Variants in ENAH observed in about 807,000 individuals in gnomAD.
ENAH encodes protein enabled homolog.
ENAH carries 23 observed loss-of-function variants against 78.7 expected under a neutral mutation model. The ratio of observed to expected loss-of-function variants is 0.29; its 90% CI spans 0.21 to 0.41. The LOEUF (loss-of-function observed/expected upper bound fraction) is 0.41. Ranked by LOEUF, ENAH falls within the 10% of genes least tolerant of loss-of-function variation. The pLI, the probability that ENAH is intolerant of heterozygous loss-of-function variation, is 1.00. For synonymous variants in ENAH, 226 were observed against 241.0 expected (o/e 0.94, Z 0.58); for missense variants, 544 against 691.0 (o/e 0.79, Z 2.39).
chr1:225,570,231 A>C lies in ENAH; in HGVS notation c.6-2817T>G, dbSNP rs942514466. On this transcript the variant is annotated intron_variant, in intron 1 of 13. Transcript: ENST00000366843. ...AAGCCCCCATCAAGGCCCAGCCAGG[A>C]AAGGATGGCACTGCCTGCTAGGGTT... Among the ~76,000 whole-genome samples, 7 of 151,866 alleles carry C rather than the reference A, an allele frequency of 4.6e-5. No homozygotes were observed. In the East Asian group the frequency reaches 1.4e-3, roughly 29 times the overall value.
At position 225,493,009 on chromosome 1, in the gene ENAH, T is replaced by C. The variant is rs2096230191; in HGVS notation, c.*4766A>G. ...TTAGTATTCCACAAATAATTTATCCTAGAACTCCATTTATTTATGTTGATG... is the reference window on the plus strand; with the variant it reads ...TTAGTATTCCACAAATAATTTATCCCAGAACTCCATTTATTTATGTTGATG... On this transcript the variant is annotated 3_prime_UTR_variant, in exon 14 of 14. Transcript: ENST00000366843. 6.6e-6 allele frequency: 1 copy of C among 152,230 alleles called. No homozygotes were observed. Among genetic ancestry groups the C allele is most frequent in the Admixed American group, 6.5e-5 (1 of 15,282 alleles). 9.4% of individuals were successfully genotyped at this position (152,230 alleles called of 1,614,324 possible).
intron 1 of ENAH, among the ~76,000 whole-genome samples, chr1:225,621,386 G>A (rs917806400): frequency 2.0e-5 from 3 of 150,102 alleles, no homozygotes; most frequent in Admixed American, 6.6e-5. Context: ...TCCGCCTCCC[G>A]GGTTCACGCC....
chr1:225,576,437 C>G (rs1307148030), intron 1 of ENAH, among the ~76,000 whole-genome samples: 2 of 152,054 alleles, frequency 1.3e-5, no homozygotes, highest in African/African-American at 4.8e-5. Context: ...TTTGAAAAGT[C>G]TTTATCAAGG....
chr1:225,612,581 A>G (rs1161747949), intron 1 of ENAH, among the ~76,000 whole-genome samples: 2 of 152,194 alleles, frequency 1.3e-5, no homozygotes, highest in Non-Finnish European at 2.9e-5. Flanking sequence ...ACCATGGTAA[A>G]TTTTATGTTA....
chr1:225,542,847 C>T (rs2096596211), intron 3 of ENAH, among the ~76,000 whole-genome samples: 3 of 151,918 alleles, frequency 2.0e-5, no homozygotes, highest in African/African-American at 4.8e-5. Flanking sequence ...AGCAAGGCCT[C>T]ATCTCTACAA....
intron 2 of ENAH, among the ~76,000 whole-genome samples, chr1:225,558,721 C>T (rs528569670): frequency 1.3e-5 from 2 of 150,530 alleles, no homozygotes; most frequent in East Asian, 3.9e-4. Flanking sequence ...GCAAACTCCG[C>T]CTCCCAGGTT....
chr1:225,534,599 A>G (rs1178913375), intron 3 of ENAH, among the ~76,000 whole-genome samples: 2 of 152,086 alleles, frequency 1.3e-5, no homozygotes, highest in African/African-American at 4.8e-5. Context: ...CTTTATGTAA[A>G]ATTGGAGCAA....
At chr1:225,555,870 G>C (rs1421200966) in intron 2 of ENAH, among the ~76,000 whole-genome samples, 1 of 152,120 alleles carries the variant, frequency 6.6e-6, no homozygotes, top group Non-Finnish European at 1.5e-5. Flanking sequence ...TCTGAGGAGG[G>C]TCTTGAGTAT....
intron 1 of ENAH, among the ~76,000 whole-genome samples, chr1:225,650,733 C>G (rs1662807024): frequency 6.6e-6 from 1 of 151,454 alleles, no homozygotes; most frequent in Non-Finnish European, 1.5e-5. Flanking sequence ...GCCTGTAATC[C>G]CAGCTACTTG....
rs2151013701 is a variant in ENAH at position 225,496,012 on chromosome 1, CT to C, written c.*1762del. The C allele has an allele frequency of 6.6e-6, 1 of 152,658 alleles. No individual in the cohort carries two copies. Among genetic ancestry groups the C allele is most frequent in the South Asian group, 2.1e-4 (1 of 4,820 alleles). The allele number at this position is 152,658 out of a possible 1,614,324, so 9.5% of individuals were successfully genotyped here. On this transcript the variant is annotated 3_prime_UTR_variant, in exon 14 of 14. Transcript: ENST00000366843. The stretch of plus-strand genomic sequence containing the variant: ...TTTAGAAAACTACACTATCAACAAG[CT>C]TTGCTTTATGGACTGAGATGTACAA...
At chr1:225,531,749 T>C (rs566045744) in intron 3 of ENAH, among the ~76,000 whole-genome samples, 3 of 152,260 alleles carry the variant, frequency 2.0e-5, no homozygotes, top group Admixed American at 1.3e-4. Flanking sequence ...AAGTATTTTA[T>C]ACTAGTGGAG....
In ENAH at chr1:225,534,672, T is replaced by C. The variant is rs961057544; in HGVS notation, c.350-4034A>G. Among the ~76,000 whole-genome samples, 5 of 152,142 alleles carry C rather than the reference T, an allele frequency of 3.3e-5. No individual in the cohort carries two copies. In the Middle Eastern group the frequency reaches 0.01, roughly 310 times the overall value. On this transcript the variant is annotated intron_variant, in intron 3 of 13. Transcript: ENST00000366843. ...AATAATCTGGCTAGCAAGGTACACA[T>C]GAATCAAAAAGGCATATATGAGGTT... is the stretch of plus-strand genomic sequence containing the variant.
At chr1:225,651,444 G>C (rs1032677723) in intron 1 of ENAH, among the ~76,000 whole-genome samples, 1 of 152,072 alleles carries the variant, frequency 6.6e-6, no homozygotes, top group Admixed American at 6.5e-5. Context: ...CCGAAATTGA[G>C]AAAGAATTCC....
At chr1:225,648,913 CAGA>C (rs1327368562) in intron 1 of ENAH, among the ~76,000 whole-genome samples, 15 of 151,960 alleles carry the variant, frequency 9.9e-5, no homozygotes, top group African/African-American at 1.5e-4. Context: ...GAAGGAAACA[CAGA>C]AGAAGGGAAC....
intron 12 of ENAH, among the ~76,000 whole-genome samples, chr1:225,499,446 C>T (rs1030044764): frequency 6.6e-6 from 1 of 152,140 alleles, no homozygotes; most frequent in African/African-American, 2.4e-5. Flanking sequence ...CCAAGGCAGG[C>T]AGATCACTTG....
chr1:225,494,079 A>AAAAAAAAAAC lies in ENAH; in HGVS notation c.*3695_*3696insGTTTTTTTTT, dbSNP rs386369809. On this transcript the variant is annotated 3_prime_UTR_variant, in exon 14 of 14. Transcript: ENST00000366843. ...CAGGCTAGAGCAAAAAAAAAAAAAA[A>AAAAAAAAAAC]AAAACAGCTGAAAATTTTACAACTG... 4 of 151,158 alleles carry AAAAAAAAAAC rather than the reference A, an allele frequency of 2.6e-5. No homozygotes were observed. Among genetic ancestry groups the AAAAAAAAAAC allele is most frequent in the Non-Finnish European group, 5.9e-5 (4 of 67,718 alleles). 9.4% of individuals were successfully genotyped at this position (151,158 alleles called of 1,614,324 possible).
rs537412235 is a variant in ENAH at position 225,520,434 on chromosome 1, G to A, written c.435-869C>T. Among the ~76,000 whole-genome samples the A allele has an allele frequency of 6.6e-5, 10 of 152,108 alleles. 1 individual carries two copies. The South Asian group carries it at 1.0e-3, about 16-fold the overall frequency. On this transcript the variant is annotated intron_variant, in intron 4 of 13. Transcript: ENST00000366843. ...CACACATCTATATATACACATACGC[G>A]CACACACGCACCCCTATATACCTCT...
intron 5 of ENAH, chr1:225,517,863 A>G (rs1461923975): frequency 6.4e-7 from 1 of 1,551,468 alleles, no homozygotes; most frequent in South Asian, 1.2e-5. Flanking sequence ...CTACAGCATA[A>G]TCAGGAGTGG....
chr1:225,639,705 A>AACACACACAC (rs374646635), intron 1 of ENAH, among the ~76,000 whole-genome samples: 4,443 of 138,566 alleles, frequency 0.032, 111 homozygotes, highest in African/African-American at 0.061. Context: ...GGCGGGATTA[A>AACACACACAC]ACACACACAC....
Sources: gnomAD v4.1 joint callset for allele counts (sites outside exome capture counted in the v4.1 genomes callset) on GRCh38, gnomAD v4.1.1 for gene constraint, MANE v1.5 for transcripts, NCBI Gene and HGNC (gene_info 2026-07-23, HGNC 2026-07-21) for gene names.